Variants in XRCC5 observed in about 807,000 individuals in gnomAD.
XRCC5 encodes X-ray repair cross complementing 5.
A neutral mutation model predicts 95.7 loss-of-function variants in XRCC5; 12 were observed. The observed-to-expected ratio is 0.13, with a 90% CI of 0.08 to 0.20. XRCC5 has a LOEUF of 0.20. Among genes scored for constraint, XRCC5 ranks in the 10% least tolerant of loss-of-function variants. The pLI, the probability that XRCC5 is intolerant of heterozygous loss-of-function variation, is 1.00. For synonymous variants in XRCC5, 281 were observed against 290.3 expected (o/e 0.97, Z 0.33); for missense variants, 595 against 873.9 (o/e 0.68, Z 4.02).
chr2:216,157,357 T>C (rs1688864971), intron 14 of XRCC5, among the ~76,000 whole-genome samples: 1 of 151,856 alleles, frequency 6.6e-6, no homozygotes, highest in Admixed American at 6.6e-5. Flanking sequence ...CCTCAGCCTT[T>C]CGAGTAGCTG....
intron 18 of XRCC5, 101 bp from the exon 19 acceptor site, chr2:216,194,818 G>T (rs1689685019): frequency 1.8e-6 from 2 of 1,124,778 alleles, no homozygotes; most frequent in Non-Finnish European, 2.7e-6. Flanking sequence ...TTAAAAAAAA[G>T]AAATCTTCAG....
chr2:216,132,150 T>G (rs764775293), intron 9 of XRCC5, among the ~76,000 whole-genome samples, 175 bp from the exon 10 acceptor site: 1 of 152,258 alleles, frequency 6.6e-6, no homozygotes, highest in Non-Finnish European at 1.5e-5. Flanking sequence ...GAACGCATGC[T>G]GGGTGCTCAG....
At chr2:216,152,538 C>T (rs1688763064) in intron 14 of XRCC5, among the ~76,000 whole-genome samples, 1 of 151,988 alleles carries the variant, frequency 6.6e-6, no homozygotes, top group Non-Finnish European at 1.5e-5. Context: ...TCAAAACATA[C>T]CTGTTTTTGC....
At chr2:216,120,224 A>G (rs1212321023) in intron 5 of XRCC5, among the ~76,000 whole-genome samples, 1 of 152,214 alleles carries the variant, frequency 6.6e-6, no homozygotes, top group Non-Finnish European at 1.5e-5. Flanking sequence ...GGTTTTTCTC[A>G]GTACTTCAGA....
chr2:216,118,437 A>C (rs1696742044), intron 4 of XRCC5, among the ~76,000 whole-genome samples: 1 of 152,184 alleles, frequency 6.6e-6, no homozygotes, highest in African/African-American at 2.4e-5. Flanking sequence ...TTGGCCTCCC[A>C]AAGTGTTAGG....
intron 12 of XRCC5, 42 bp from the exon 13 acceptor site, chr2:216,141,144 A>G: frequency 6.2e-7 from 1 of 1,610,186 alleles, no homozygotes; most frequent in Non-Finnish European, 8.5e-7. Context: ...TTAGTGGAGA[A>G]TAATGGAAAT....
chr2:216,190,384 A>G, intron 17 of XRCC5, 50 bp downstream of exon 17: 1 of 1,526,412 alleles, frequency 6.6e-7, no homozygotes, highest in Non-Finnish European at 9.1e-7. Context: ...GGCGACTATC[A>G]CAGGGAAAGA....
At chr2:216,165,416 G>T (rs1303733098) in intron 16 of XRCC5, among the ~76,000 whole-genome samples, 1 of 152,252 alleles carries the variant, frequency 6.6e-6, no homozygotes, top group Non-Finnish European at 1.5e-5. Flanking sequence ...CCACAGAGCT[G>T]TCGGAAAATG....
intron 2 of XRCC5, 93 bp from the exon 3 acceptor site, chr2:216,116,566 G>A (rs1696701439): frequency 1.4e-6 from 2 of 1,408,386 alleles, no homozygotes; most frequent in South Asian, 1.2e-5. Context: ...CTGCCATAGG[G>A]AGGTCTGGTT....
intron 13 of XRCC5, among the ~76,000 whole-genome samples, chr2:216,146,742 A>G (rs551601742): frequency 6.6e-6 from 1 of 152,170 alleles, no homozygotes; most frequent in Non-Finnish European, 1.5e-5. Context: ...ATGAGGTGGC[A>G]TGCTGTGTAG....
intron 19 of XRCC5, among the ~76,000 whole-genome samples, chr2:216,200,105 G>A: frequency 6.6e-6 from 1 of 152,100 alleles, no homozygotes; most frequent in Non-Finnish European, 1.5e-5. Flanking sequence ...GTGGCCAGCA[G>A]AATTGACTGG....
chr2:216,198,236 C>G (rs1300818584), intron 19 of XRCC5, among the ~76,000 whole-genome samples: 1 of 152,232 alleles, frequency 6.6e-6, no homozygotes, highest in Non-Finnish European at 1.5e-5. Flanking sequence ...TTGGACCAAT[C>G]ATTTCTAAAA....
At chr2:216,196,095 C>T (rs1689712996) in intron 19 of XRCC5, among the ~76,000 whole-genome samples, 1 of 151,736 alleles carries the variant, frequency 6.6e-6, no homozygotes, top group South Asian at 2.1e-4. Flanking sequence ...TAAATTCAGG[C>T]CAAAATTTAA....
chr2:216,120,301 C>T (rs1340762977), intron 5 of XRCC5, among the ~76,000 whole-genome samples: 1 of 152,220 alleles, frequency 6.6e-6, no homozygotes. Context: ...AAGCAGACTG[C>T]ATTTCAGTGA....
At chr2:216,132,547 T>C (rs1697011984) in intron 10 of XRCC5, among the ~76,000 whole-genome samples, 160 bp downstream of exon 10, 1 of 152,140 alleles carries the variant, frequency 6.6e-6, no homozygotes, top group South Asian at 2.1e-4. Context: ...ATGTGGTAAA[T>C]GGATTTGTGT....
In XRCC5 at chr2:216,141,383, G is replaced by T. The variant is rs1697166644; in HGVS notation, c.1476+64G>T. 1.9e-6 allele frequency: 3 copies of T among 1,585,460 alleles called. No homozygotes were observed. The African/African-American group carries it at 4.0e-5, about 21-fold the overall frequency. On this transcript the variant is annotated intron_variant, in intron 13 of 20. Transcript: ENST00000392132. ...ATGAAAGAGAGCTAAGTGCAAAGTT[G>T]CGGTAATTGGCCAGTCCTAAATAAA...
chr2:216,191,713 G>A (rs1389083644), intron 17 of XRCC5, among the ~76,000 whole-genome samples: 1 of 152,058 alleles, frequency 6.6e-6, no homozygotes, highest in Admixed American at 6.5e-5. Context: ...GCCCGGCCAA[G>A]GGATATTTTT....
At chr2:216,122,354 C>T (rs1696825938) in intron 6 of XRCC5, 101 bp downstream of exon 6, 1 of 1,092,080 alleles carries the variant, frequency 9.2e-7, no homozygotes, top group Non-Finnish European at 1.3e-6. Context: ...GGGCCACTCT[C>T]TAATTAGTCA....
intron 1 of XRCC5, among the ~76,000 whole-genome samples, chr2:216,110,890 G>GTT (rs41296908): frequency 1.4e-4 from 21 of 148,156 alleles, no homozygotes; most frequent in African/African-American, 4.7e-4. Flanking sequence ...TTATTAGCAC[G>GTT]TTTTTTTTTT....
Sources: allele counts gnomAD v4.1 joint callset (sites outside exome capture counted in the v4.1 genomes callset), GRCh38; gene constraint gnomAD v4.1.1; transcripts MANE v1.5; gene names NCBI Gene and HGNC (gene_info 2026-07-23, HGNC 2026-07-21).